Variants in DLG2 observed in about 807,000 individuals in gnomAD.
DLG2 encodes disks large homolog 2.
DLG2 carries 45 observed loss-of-function variants against 132.5 expected under a neutral mutation model. The ratio of observed to expected loss-of-function variants is 0.34; its 90% CI spans 0.27 to 0.44. The LOEUF (loss-of-function observed/expected upper bound fraction) is 0.44, where lower values mean the gene tolerates loss of function less well. Among genes scored for constraint, DLG2 ranks in the 20% least tolerant of loss-of-function variants. The probability of loss-of-function intolerance (pLI) is 1.00; values close to 1 mark genes in which losing one functional copy is unlikely to be tolerated. For missense variants in DLG2, 1,045 were observed against 1,196.9 expected (o/e 0.87, Z 1.87); for synonymous variants, 424 against 419.6 (o/e 1.01, Z -0.13).
intron 18 of DLG2, among the ~76,000 whole-genome samples, chr11:83,704,654 TAAAAA>T (rs769615246): frequency 1.9e-5 from 2 of 105,992 alleles, no homozygotes; most frequent in Admixed American, 1.0e-4. Context: ...CCGTCTCTAC[TAAAAA>T]AAAAAAAAAA....
chr11:84,783,288 T>C (rs908972072), intron 6 of DLG2, among the ~76,000 whole-genome samples: 1 of 152,154 alleles, frequency 6.6e-6, no homozygotes, highest in African/African-American at 2.4e-5. Context: ...GCCTTAGTTT[T>C]CTCAACACTT....
intron 6 of DLG2, among the ~76,000 whole-genome samples, chr11:84,816,801 A>G (rs1000280340): frequency 5.9e-5 from 9 of 151,910 alleles, no homozygotes; most frequent in Admixed American, 5.3e-4. Flanking sequence ...TATACATGAA[A>G]TCTCTGTGTA....
chr11:83,975,638 G>A (rs2092090460), intron 12 of DLG2, among the ~76,000 whole-genome samples: 1 of 151,884 alleles, frequency 6.6e-6, no homozygotes, highest in Non-Finnish European at 1.5e-5. Flanking sequence ...ATATAAAGAA[G>A]TTTTGTAATA....
chr11:84,389,274 C>T (rs115656391), intron 7 of DLG2, among the ~76,000 whole-genome samples: 6 of 152,082 alleles, frequency 3.9e-5, no homozygotes, highest in African/African-American at 1.4e-4. Flanking sequence ...TTTGCACAGC[C>T]TTGTAAAGTA....
At chr11:83,885,151 G>C (rs2067458482) in intron 15 of DLG2, among the ~76,000 whole-genome samples, 1 of 152,190 alleles carries the variant, frequency 6.6e-6, no homozygotes, top group African/African-American at 2.4e-5. Context: ...ACTACTCCAA[G>C]CTACAGGAGG....
intron 16 of DLG2, among the ~76,000 whole-genome samples, chr11:83,849,456 A>G (rs1221386824): frequency 6.6e-6 from 1 of 151,882 alleles, no homozygotes; most frequent in Non-Finnish European, 1.5e-5. Context: ...TCCTCATAGA[A>G]TTTCTAATCT....
At chr11:85,065,220 G>T (rs1157207361) in intron 6 of DLG2, among the ~76,000 whole-genome samples, 2 of 151,350 alleles carry the variant, frequency 1.3e-5, no homozygotes, top group Non-Finnish European at 3.0e-5. Context: ...TTTATTATTA[G>T]AAATATTGCT....
At chr11:83,678,037 A>G (rs541238829) in intron 18 of DLG2, among the ~76,000 whole-genome samples, 1 of 152,296 alleles carries the variant, frequency 6.6e-6, no homozygotes, top group Admixed American at 6.5e-5. Flanking sequence ...ATACACCTGA[A>G]ATTAGCTAGG....
intron 3 of DLG2, among the ~76,000 whole-genome samples, chr11:85,386,873 A>T (rs1320999468): frequency 1.3e-5 from 2 of 150,664 alleles, no homozygotes; most frequent in Non-Finnish European, 3.0e-5. Context: ...AAAAAAAAAA[A>T]GTTAAAGAAT....
intron 7 of DLG2, among the ~76,000 whole-genome samples, chr11:84,406,037 TC>T (rs1318995655): frequency 6.6e-6 from 1 of 152,118 alleles, no homozygotes; most frequent in African/African-American, 2.4e-5. Flanking sequence ...TATACTCCCA[TC>T]TTCCCTTCTT....
At chr11:83,506,535 G>A (rs2094711252) in intron 21 of DLG2, among the ~76,000 whole-genome samples, 1 of 152,160 alleles carries the variant, frequency 6.6e-6, no homozygotes, top group African/African-American at 2.4e-5. Flanking sequence ...GTTGGAGGTG[G>A]CTCCTGAGGA....
intron 7 of DLG2, among the ~76,000 whole-genome samples, chr11:84,508,804 T>C (rs2099249574): frequency 6.6e-6 from 1 of 152,240 alleles, no homozygotes. Context: ...CTCACTTGAA[T>C]GTAAACTTTG....
chr11:83,802,725 T>G (rs938108755), intron 17 of DLG2, among the ~76,000 whole-genome samples: 1 of 152,042 alleles, frequency 6.6e-6, no homozygotes, highest in African/African-American at 2.4e-5. Context: ...TAAAAAAAAG[T>G]CATTATCTAT....
intron 19 of DLG2, among the ~76,000 whole-genome samples, chr11:83,583,997 T>C (rs541082414): frequency 6.6e-6 from 1 of 152,338 alleles, no homozygotes; most frequent in East Asian, 1.9e-4. Context: ...ATTAACTCAG[T>C]GTCAGAAAGT....
At chr11:84,316,657 G>T (rs1216821368) in intron 7 of DLG2, among the ~76,000 whole-genome samples, 1 of 152,106 alleles carries the variant, frequency 6.6e-6, no homozygotes, top group Non-Finnish European at 1.5e-5. Flanking sequence ...GCCACCAGAG[G>T]TATGAGCCCA....
At chr11:85,624,897 G>A (rs1014637327) in intron 2 of DLG2, among the ~76,000 whole-genome samples, 6 of 152,106 alleles carry the variant, frequency 3.9e-5, no homozygotes, top group African/African-American at 1.4e-4. Flanking sequence ...AGGAAGAGAG[G>A]AAGAAGGAAA....
At chr11:84,998,276 T>G (rs1002346210) in intron 6 of DLG2, among the ~76,000 whole-genome samples, 1 of 152,112 alleles carries the variant, frequency 6.6e-6, no homozygotes, top group Non-Finnish European at 1.5e-5. Flanking sequence ...AATCGGATTA[T>G]GGTGGCAATT....
At chr11:84,649,639 A>G (rs1184672040) in intron 6 of DLG2, among the ~76,000 whole-genome samples, 1 of 152,192 alleles carries the variant, frequency 6.6e-6, no homozygotes, top group African/African-American at 2.4e-5. Flanking sequence ...TTATGCAAAA[A>G]TGTATTTTCT....
At chr11:84,701,561 TCA>T (rs2059229533) in intron 6 of DLG2, among the ~76,000 whole-genome samples, 1 of 151,600 alleles carries the variant, frequency 6.6e-6, no homozygotes. Context: ...CCCTACTCTC[TCA>T]GACTTCCAAA....
Sources: allele counts gnomAD v4.1 joint callset (sites outside exome capture counted in the v4.1 genomes callset), GRCh38; gene constraint gnomAD v4.1.1; transcripts MANE v1.5; gene names NCBI Gene and HGNC (gene_info 2026-07-23, HGNC 2026-07-21).